The following CCT6B variants were observed in gnomAD, a reference collection of about 807,000 sequenced individuals.
CCT6B encodes chaperonin containing TCP1 subunit 6B, also known as probable T-complex protein 1 subunit zeta-2.
A neutral mutation model predicts 61.5 loss-of-function variants in CCT6B; 49 were observed. That is an observed-to-expected ratio of 0.80 (90% CI 0.63 to 1.01). The LOEUF is 1.01. Ranked by LOEUF, CCT6B falls within the 50% of genes least tolerant of loss-of-function variation. CCT6B has a pLI of 0.00. For synonymous variants in CCT6B, 228 were observed against 214.5 expected (o/e 1.06, Z -0.55); for missense variants, 666 against 634.7 (o/e 1.05, Z -0.53).
At chr17:34,932,983 C>T (rs200798098) in intron 10 of CCT6B, among the ~76,000 whole-genome samples, 15 of 152,058 alleles carry the variant, frequency 9.9e-5, no homozygotes, top group African/African-American at 3.4e-4. Context: ...GGTTTCACCA[C>T]GTTGGCCAGG....
chr17:34,958,525 T>C (rs2090373866), intron 3 of CCT6B, 35 bp downstream of exon 3: 1 of 1,354,078 alleles, frequency 7.4e-7, no homozygotes, highest in Non-Finnish European at 9.8e-7. Flanking sequence ...TAATTTGCCA[T>C]TCAAAATAAC....
intron 5 of CCT6B, chr17:34,949,357 G>A (rs957113634): frequency 2.0e-5 from 3 of 152,136 alleles, no homozygotes; most frequent in African/African-American, 7.3e-5. Context: ...CTACTAGGGA[G>A]GCCGAGGCAG....
chr17:34,947,852 C>T (rs1316652392), intron 5 of CCT6B, among the ~76,000 whole-genome samples: 1 of 151,644 alleles, frequency 6.6e-6, no homozygotes, highest in Admixed American at 6.6e-5. Flanking sequence ...TGTGGTGGTG[C>T]ACGCCTGTAG....
At chr17:34,948,788 C>G (rs535700963) in intron 5 of CCT6B, among the ~76,000 whole-genome samples, 1 of 151,442 alleles carries the variant, frequency 6.6e-6, no homozygotes, top group African/African-American at 2.4e-5. Flanking sequence ...AATCACAGCA[C>G]TTTGGGAGGC....
rs540278102 is a variant in CCT6B at position 34,948,150 on chromosome 17, A to T, written c.614+3800T>A. On this transcript the variant is annotated intron_variant, in intron 5 of 13. Transcript: ENST00000314144. ...TTAGATTTCGGTGCACCCATCACCC[A>T]AGCAGTGTACACTCTACCCAATGTG... Among the ~76,000 whole-genome samples the T allele has an allele frequency of 8.3e-4, 127 of 152,162 alleles. 1 individual carries two copies. The highest frequency in any genetic ancestry group is 2.8e-3 in the African/African-American group (118 of 41,520).
chr17:34,955,814 AT>A (rs996795552), intron 3 of CCT6B, among the ~76,000 whole-genome samples: 2 of 152,086 alleles, frequency 1.3e-5, no homozygotes, highest in Non-Finnish European at 2.9e-5. Context: ...TATTATTATT[AT>A]TTTTCCTATT....
chr17:34,932,051 A>C (rs2090041466), intron 11 of CCT6B, among the ~76,000 whole-genome samples: 1 of 152,216 alleles, frequency 6.6e-6, no homozygotes, highest in African/African-American at 2.4e-5. Context: ...ACTAAATTTT[A>C]AATTCTAAAC....
At chr17:34,939,015 CA>C (rs1179614122) in intron 10 of CCT6B, among the ~76,000 whole-genome samples, 167 bp downstream of exon 10, 1 of 152,042 alleles carries the variant, frequency 6.6e-6, no homozygotes, top group Non-Finnish European at 1.5e-5. Flanking sequence ...ACCTGGGAGG[CA>C]GAGGTTGCAG....
Position 34,942,841 on chromosome 17 carries a change from T to A in CCT6B, c.680A>T (p.Asp227Val). The change falls in exon 6 of 14, where the codon GAT (aspartate) becomes GTT (valine). Residue 227 changes from aspartate to valine, a missense_variant. By Grantham distance (152) the Asp-to-Val change is radical. Transcript: ENST00000314144. Reference sequence around the variant, plus strand: ...AACGTTGCAAATAAGGATAAATGCATCTTCTACTCGCTTCTTCATATCTGG... The same window carrying A: ...AACGTTGCAAATAAGGATAAATGCAACTTCTACTCGCTTCTTCATATCTGG... ...RHPDMKKRVE[D>V]AFILICNVSL... The A allele has an allele frequency of 6.2e-7, 1 of 1,611,882 alleles. No individual in the cohort carries two copies. Among genetic ancestry groups the A allele is most frequent in the Non-Finnish European group, 8.5e-7 (1 of 1,178,762 alleles).
chr17:34,959,379 C>T (rs34515111), intron 2 of CCT6B, among the ~76,000 whole-genome samples: 13,789 of 150,712 alleles, frequency 0.091, 795 homozygotes, highest in East Asian at 0.2. Flanking sequence ...AATTTGGCCA[C>T]CTCAGCCTCC....
intron 5 of CCT6B, among the ~76,000 whole-genome samples, 180 bp downstream of exon 5, chr17:34,951,770 T>TA (rs1241911257): frequency 6.6e-6 from 1 of 152,190 alleles, no homozygotes; most frequent in Non-Finnish European, 1.5e-5. Context: ...ATTAGAAACA[T>TA]AAACTTCTTG....
At chr17:34,928,194 G>T in intron 13 of CCT6B, 77 bp from the exon 14 acceptor site, 1 of 834,036 alleles carries the variant, frequency 1.2e-6, no homozygotes, top group Admixed American at 2.3e-5. Flanking sequence ...CTTTACCTAT[G>T]TAGGGTACTT....
rs749722071 is a variant in CCT6B, at chr17:34,932,510, A to T, written c.1214-10T>A. On this transcript the variant is annotated splice_polypyrimidine_tract_variant and intron_variant, in intron 10 of 13. Coordinates refer to ENST00000314144, the MANE Select transcript of CCT6B (RefSeq NM_006584.4). ...CCAGGAACCATACAACCTATTGGAG[A>T]GAAAAAATATGATTGGCAAGACATG... 46 of 1,580,276 alleles carry T rather than the reference A, an allele frequency of 2.9e-5. No individual in the cohort carries two copies. The highest frequency in any genetic ancestry group is 7.7e-5 in the Admixed American group (4 of 51,724).
intron 7 of CCT6B, among the ~76,000 whole-genome samples, chr17:34,941,988 T>C (rs1321601978): frequency 1.3e-5 from 2 of 151,354 alleles, no homozygotes; most frequent in Non-Finnish European, 2.9e-5. Context: ...TAGTGAGCTA[T>C]GATGGTGCCA....
intron 7 of CCT6B, among the ~76,000 whole-genome samples, chr17:34,941,559 C>G (rs2090164042): frequency 6.6e-6 from 1 of 152,186 alleles, no homozygotes; most frequent in Non-Finnish European, 1.5e-5. Context: ...ACAACAAATA[C>G]TGTCAGTTGT....
chr17:34,947,875 G>A (rs1022626306), intron 5 of CCT6B, among the ~76,000 whole-genome samples: 23 of 151,752 alleles, frequency 1.5e-4, no homozygotes, highest in African/African-American at 4.6e-4. Context: ...CCAGCTACTC[G>A]GAAGGCTGAG....
rs1287115346 is a variant in CCT6B at position 34,961,320 on chromosome 17, C to T, written c.74G>A (p.Cys25Tyr). 1 of 1,613,012 alleles carries T rather than the reference C, an allele frequency of 6.2e-7. No individual in the cohort carries two copies. The highest frequency in any genetic ancestry group is 1.1e-5 in the South Asian group (1 of 91,046). Reference protein sequence around the residue: ...RARAALAVNICAARGLQDVLR... With the variant: ...RARAALAVNIYAARGLQDVLR... ...CACATCCTGCAGCCCTCGGGCGGCGCATATATTGACAGCCAAAGCTGCCCG... is the reference window on the plus strand; with the variant it reads ...CACATCCTGCAGCCCTCGGGCGGCGTATATATTGACAGCCAAAGCTGCCCG... Residue 25 changes from cysteine to tyrosine, a missense_variant, in exon 1 of 14, where the codon TGC (cysteine) becomes TAC (tyrosine). Coordinates refer to ENST00000314144, the MANE Select transcript of CCT6B (RefSeq NM_006584.4).
intron 1 of CCT6B, 135 bp from the exon 2 acceptor site, chr17:34,959,785 C>G (rs2090391506): frequency 3.4e-6 from 2 of 595,074 alleles, no homozygotes; most frequent in Admixed American, 2.8e-5. Context: ...ATGGTAATTA[C>G]CACCATTTGC....
At position 34,942,598 on chromosome 17, in the gene CCT6B, C is replaced by G; in HGVS notation, c.771G>C (p.Glu257Asp). ...GFFYKTAEEKEKLVKAERKFI... is the reference protein window; with the variant it reads ...GFFYKTAEEKDKLVKAERKFI... ...ATTTTCTTTCAGCTTTTACCAATTT[C>G]TCTTTCTCTTCTGCAGTCTTATAAA... The change falls in exon 7 of 14, where the codon GAG (glutamate) becomes GAC (aspartate). Residue 257 changes from glutamate to aspartate, a missense_variant. Transcript: ENST00000314144. 6.2e-7 allele frequency: 1 copy of G among 1,607,094 alleles called. No individual in the cohort carries two copies.
Sources: allele counts gnomAD v4.1 joint callset (sites outside exome capture counted in the v4.1 genomes callset), GRCh38; gene constraint gnomAD v4.1.1; transcripts MANE v1.5; gene names NCBI Gene and HGNC (gene_info 2026-07-23, HGNC 2026-07-21).